Variants in RAB7B observed in about 807,000 individuals in gnomAD.
RAB7B encodes the protein RAB7B, member RAS oncogene family.
intron 4 of RAB7B, among the ~76,000 whole-genome samples, chr1:205,988,164 T>C (rs1660646601): frequency 6.6e-6 from 1 of 151,980 alleles, no homozygotes; most frequent in Non-Finnish European, 1.5e-5. Flanking sequence ...CAATATATAT[T>C]ATAAATATGT....
At position 206,001,850 on chromosome 1, in the gene RAB7B, C is replaced by T. The variant is rs932443274; in HGVS notation, c.-17+1403G>A. On this transcript the variant is annotated intron_variant, in intron 1 of 5. Coordinates refer to ENST00000617070, the MANE Select transcript of RAB7B (RefSeq NM_001164522.3). ...GTGCCTGGCACCAGCCCTCCAAGAA[C>T]GCTGGAACCCCCTTCCCTCTCATTT... is the stretch of plus-strand genomic sequence containing the variant. Among the ~76,000 whole-genome samples the T allele has an allele frequency of 1.1e-4, 17 of 152,298 alleles. No homozygotes were observed. The South Asian group carries it at 1.2e-3, about 11-fold the overall frequency.
chr1:205,982,882 C>T (rs1276335191), intron 5 of RAB7B, among the ~76,000 whole-genome samples: 1 of 152,206 alleles, frequency 6.6e-6, no homozygotes, highest in African/African-American at 2.4e-5. Context: ...TTGTAAACTT[C>T]TGTTTCATCT....
chr1:205,987,770 A>G (rs1482548879), intron 4 of RAB7B, among the ~76,000 whole-genome samples: 2 of 152,096 alleles, frequency 1.3e-5, no homozygotes, highest in Non-Finnish European at 2.9e-5. Flanking sequence ...CCTTCTGTAG[A>G]AGGAACAGGG....
intron 1 of RAB7B, among the ~76,000 whole-genome samples, chr1:206,001,866 C>T (rs1011666956): frequency 3.5e-4 from 53 of 152,310 alleles, no homozygotes; most frequent in Non-Finnish European, 5.9e-4. Flanking sequence ...AACCCCCTTC[C>T]CTCTCATTTC....
intron 1 of RAB7B, among the ~76,000 whole-genome samples, chr1:205,996,427 G>A (rs1381562699): frequency 1.3e-5 from 2 of 152,120 alleles, no homozygotes; most frequent in Non-Finnish European, 2.9e-5. Flanking sequence ...CCTTGGTTCT[G>A]GTTCTCACTT....
intron 4 of RAB7B, 109 bp from the exon 5 acceptor site, chr1:205,985,774 C>CCCACCAAGCCCA (rs1571792798): frequency 4.7e-6 from 1 of 213,404 alleles, no homozygotes. Context: ...CCCCACCATC[C>CCCACCAAGCCCA]CCATCATCCC....
rs1378448331 is a variant in RAB7B at position 205,985,784 on chromosome 1, C to CCACCAGGCT, written c.397-120_397-119insAGCCTGGTG. 3.7e-3 allele frequency: 1,187 copies of CCACCAGGCT among 322,178 alleles called. 27 individuals carry two copies. The highest frequency in any genetic ancestry group is 5.3e-3 in the African/African-American group (177 of 33,174). 20.0% of individuals were successfully genotyped at this position (322,178 alleles called of 1,614,324 possible). On this transcript the variant is annotated intron_variant, in intron 4 of 5. Coordinates refer to ENST00000617070, the MANE Select transcript of RAB7B (RefSeq NM_001164522.3). ...ACCATCCCCACCATCCCCATCATCC[C>CCACCAGGCT]CACCAGGCCCACCATCCCCACCAGG...
rs890008376 is a variant in RAB7B at position 205,991,064 on chromosome 1, C to T, written c.396+1416G>A. On this transcript the variant is annotated intron_variant, in intron 4 of 5. Transcript: ENST00000617070. ...GGGATTACAGGCGTGAGCCACTGTG[C>T]CCGGCCAAGACTGTCTTATGATAGT... is the stretch of plus-strand genomic sequence containing the variant. 6.6e-3 allele frequency among the ~76,000 whole-genome samples: 1,004 copies of T among 152,260 alleles called. 9 individuals are homozygous for T. Among genetic ancestry groups the T allele is most frequent in the African/African-American group, 0.022 (928 of 41,542 alleles).
chr1:205,987,681 T>C (rs1660635191), intron 4 of RAB7B, among the ~76,000 whole-genome samples: 2 of 152,324 alleles, frequency 1.3e-5, no homozygotes, highest in South Asian at 4.1e-4. Context: ...AAATAATTCA[T>C]GCCCCAGTGA....
intron 1 of RAB7B, among the ~76,000 whole-genome samples, chr1:205,995,292 C>A (rs1412204440): frequency 6.6e-6 from 1 of 152,020 alleles, no homozygotes; most frequent in Non-Finnish European, 1.5e-5. Context: ...AGATGGTAAA[C>A]TGTACACACA....
chr1:205,990,039 C>T (rs940053442), intron 4 of RAB7B, among the ~76,000 whole-genome samples: 1 of 152,198 alleles, frequency 6.6e-6, no homozygotes, highest in African/African-American at 2.4e-5. Flanking sequence ...TCCCTCCCCA[C>T]ACCCTACAGA....
At chr1:206,001,315 CT>C (rs1312413657) in intron 1 of RAB7B, among the ~76,000 whole-genome samples, 3 of 150,566 alleles carry the variant, frequency 2.0e-5, no homozygotes, top group Admixed American at 1.3e-4. Flanking sequence ...TTATTAGAAA[CT>C]TTTTAACTAT....
At chr1:205,990,188 A>ACTC (rs1232670799) in intron 4 of RAB7B, among the ~76,000 whole-genome samples, 1 of 152,138 alleles carries the variant, frequency 6.6e-6, no homozygotes, top group Non-Finnish European at 1.5e-5. Context: ...CTCTTGGATG[A>ACTC]CTCTAAATCC....
chr1:205,988,476 C>A lies in RAB7B; in HGVS notation c.397-2811G>T, dbSNP rs1009058167. ...TCTCGAACTCCTGGGCTCAAGCTAT[C>A]CCCCGACTTTGGTCTCCCAAGGTGT... On this transcript the variant is annotated intron_variant, in intron 4 of 5. Transcript: ENST00000617070. 4.6e-5 allele frequency among the ~76,000 whole-genome samples: 7 copies of A among 152,164 alleles called. No homozygotes were observed. The East Asian group carries it at 7.7e-4, about 17-fold the overall frequency.
At chr1:205,980,029 A>T (rs1288625119) in intron 5 of RAB7B, among the ~76,000 whole-genome samples, 1 of 152,156 alleles carries the variant, frequency 6.6e-6, no homozygotes, top group Non-Finnish European at 1.5e-5. Flanking sequence ...CTGCACCTTG[A>T]TGATGGTGGT....
At chr1:205,982,677 ATCGTTCCGACT>A (rs1452148703) in intron 5 of RAB7B, among the ~76,000 whole-genome samples, 1 of 152,032 alleles carries the variant, frequency 6.6e-6, no homozygotes, top group Non-Finnish European at 1.5e-5. Flanking sequence ...ATAAAGCCAG[ATCGTTCCGACT>A]TCAGAGGCCC....
At chr1:205,979,700 G>A (rs1660451629) in intron 5 of RAB7B, among the ~76,000 whole-genome samples, 2 of 152,156 alleles carry the variant, frequency 1.3e-5, no homozygotes, top group South Asian at 4.1e-4. Context: ...TCGCGTTCAT[G>A]TTCCTCCCAC....
rs1394394033 is a variant in RAB7B at position 205,992,602 on chromosome 1, C to T, written c.274G>A (p.Asp92Asn). ...TCCAGGGCTTCAAAAGACTCCAGGT[C>T]GGTGACATCAAAAGCTAGGATGCAG... ...DGCILAFDVT[D>N]LESFEALDIW... The change falls in exon 4 of 6, where the codon GAC becomes AAC. Residue 92 changes from aspartate (D) to asparagine (N), a missense_variant. Asp to Asn is a conservative substitution (Grantham distance 23). Coordinates refer to ENST00000617070, the MANE Select transcript of RAB7B (RefSeq NM_001164522.3). The T allele has an allele frequency of 1.3e-5, 5 of 398,758 alleles. No individual in the cohort carries two copies. The highest frequency in any genetic ancestry group is 1.3e-4 in the South Asian group (1 of 7,860). The allele number at this position is 398,758 out of a possible 1,614,324, so 24.7% of individuals were successfully genotyped here.
At chr1:206,000,545 G>A (rs1660876243) in intron 1 of RAB7B, among the ~76,000 whole-genome samples, 1 of 152,236 alleles carries the variant, frequency 6.6e-6, no homozygotes, top group South Asian at 2.1e-4. Context: ...TCCCTCATGG[G>A]TAAAATGGAC....
Sources: gnomAD v4.1 joint callset for allele counts (sites outside exome capture counted in the v4.1 genomes callset) on GRCh38, gnomAD v4.1.1 for gene constraint, MANE v1.5 for transcripts, NCBI Gene and HGNC (gene_info 2026-07-23, HGNC 2026-07-21) for gene names.